C1orf167: variants seen among roughly 807,000 people sequenced by gnomAD.
The protein encoded by C1orf167 is chromosome 1 open reading frame 167, also known as uncharacterized protein C1orf167.
A neutral mutation model predicts 176.5 loss-of-function variants in C1orf167; 153 were observed. The observed-to-expected ratio is 0.87, with a 90% CI of 0.76 to 0.99. The LOEUF is 0.99. Among genes scored for constraint, C1orf167 ranks in the 50% least tolerant of loss-of-function variants. The pLI is 0.00. For synonymous variants in C1orf167, 594 were observed against 752.7 expected, an observed-to-expected ratio of 0.79 and a Z score of 3.45; for missense variants, 1,490 against 1,817.7, an observed-to-expected ratio of 0.82 and a Z score of 3.28.
chr1:11,782,069 C>T (rs989952737), intron 13 of C1orf167, 120 bp from the exon 14 acceptor site: 4 of 892,200 alleles, frequency 4.5e-6, no homozygotes, highest in African/African-American at 3.7e-5. Flanking sequence ...TTAACCCAGA[C>T]AGTCAGGGTG....
intron 8 of C1orf167, among the ~76,000 whole-genome samples, chr1:11,773,055 G>A (rs1369704371): frequency 1.3e-5 from 2 of 151,826 alleles, no homozygotes; most frequent in Non-Finnish European, 2.9e-5. Flanking sequence ...ATGCCACCAC[G>A]CCCGGCTAAT....
intron 8 of C1orf167, among the ~76,000 whole-genome samples, chr1:11,774,337 A>G (rs1053380750): frequency 5.3e-5 from 8 of 152,158 alleles, no homozygotes. Context: ...GTGAGCCACC[A>G]CGCCCGGCCT....
Position 11,788,164 on chromosome 1 carries a change from G to C in C1orf167, c.3864G>C (p.Arg1288Ser). The C allele has an allele frequency of 7.8e-7, 1 of 1,289,944 alleles. No homozygotes were observed. Among genetic ancestry groups the C allele is most frequent in the Non-Finnish European group, 1.0e-6 (1 of 977,442 alleles). The allele number at this position is 1,289,944 out of a possible 1,614,324, so 79.9% of individuals were successfully genotyped here. Residue 1288 changes from arginine (R) to serine (S), a missense_variant, in exon 19 of 21, where the codon AGG becomes AGC. By Grantham distance (110) the Arg-to-Ser change is moderately radical. Transcript: ENST00000688073. ...HKRRLRARSC[R>S]ILEKQAQAHG... Reference sequence around the variant, plus strand: ...CTCTGGCCAGTGCTCGTTCCTGCAGGATCCTGGAAAAGCAGGCCCAGGCCC... The same window carrying C: ...CTCTGGCCAGTGCTCGTTCCTGCAGCATCCTGGAAAAGCAGGCCCAGGCCC...
chr1:11,778,530 G>A (rs571302608), intron 10 of C1orf167, 130 bp from the exon 11 acceptor site: 11 of 779,428 alleles, frequency 1.4e-5, no homozygotes, highest in African/African-American at 1.1e-4. Context: ...CTAGCCCAGC[G>A]TCTGGCCTGT....
chr1:11,788,510 A>AT (rs1339191803), intron 19 of C1orf167, 132 bp downstream of exon 19: 5 of 1,106,052 alleles, frequency 4.5e-6, no homozygotes, highest in Non-Finnish European at 6.0e-6. Context: ...AGGAATCTGC[A>AT]TTCTTAATAC....
Position 11,764,388 on chromosome 1 carries a change from T to G in C1orf167, c.-13T>G, listed in dbSNP as rs914165707. The stretch of plus-strand genomic sequence containing the variant: ...CTGTGGAGTGGACCAAGGATACTCC[T>G]GTCCCTGAGCCCATGGAGCTAAGGT... On this transcript the variant is annotated 5_prime_UTR_variant, in exon 2 of 21. Transcript: ENST00000688073. 22 of 1,289,086 alleles carry G rather than the reference T, an allele frequency of 1.7e-5. No individual in the cohort carries two copies. Among genetic ancestry groups the G allele is most frequent in the Non-Finnish European group, 2.0e-5 (20 of 988,670 alleles). The allele number at this position is 1,289,086 out of a possible 1,614,324, so 79.9% of individuals were successfully genotyped here.
chr1:11,768,989 T>C lies in C1orf167; in HGVS notation c.1559T>C (p.Leu520Ser). The C allele has an allele frequency of 4.1e-6, 4 of 985,908 alleles. No homozygotes were observed. The highest frequency in any genetic ancestry group is 4.8e-6 in the Non-Finnish European group (4 of 829,986). The allele number at this position is 985,908 out of a possible 1,614,324, so 61.1% of individuals were successfully genotyped here. The change falls in exon 6 of 21, where the codon TTA becomes TCA. Residue 520 changes from leucine to serine, a missense_variant. By Grantham distance (145) the Leu-to-Ser change is moderately radical. Transcript: ENST00000688073. This position sits in a 1 kb window ranked among gnomAD's most constrained non-coding sequence, Gnocchi z 4.5. ...TTGAGCCAGTGGAGAAACCTGGCTTTACAGCAGAAACAAGTACAGCCCCAC... is the reference window on the plus strand; with the variant it reads ...TTGAGCCAGTGGAGAAACCTGGCTTCACAGCAGAAACAAGTACAGCCCCAC... The part of the protein sequence containing the change: ...RSFREWRNLA[L>S]QQKQVQPHMQ...
chr1:11,788,143 G>A lies in C1orf167; in HGVS notation c.3849-6G>A, dbSNP rs1643948831. The A allele has an allele frequency of 7.8e-7, 1 of 1,284,356 alleles. No individual in the cohort carries two copies. Among genetic ancestry groups the A allele is most frequent in the Non-Finnish European group, 1.0e-6 (1 of 973,634 alleles). 79.6% of individuals were successfully genotyped at this position (1,284,356 alleles called of 1,614,324 possible). On this transcript the variant is annotated splice_region_variant and splice_polypyrimidine_tract_variant and intron_variant, in intron 18 of 20. Coordinates refer to ENST00000688073, the MANE Select transcript of C1orf167 (RefSeq NM_001010881.2). ...CCATGGCTACAGCTGGGCCCTCTCT[G>A]GCCAGTGCTCGTTCCTGCAGGATCC...
Position 11,779,805 on chromosome 1 carries a change from C to A in C1orf167, c.2655C>A (p.Ile885=). ...GGGTGGACCCTCCCTTTCCCAGCAT[C>A]TTCCTCAGCTGGAGCCGCTGGGCAA... The part of the protein sequence containing the change: ...RWYQHTRQRR[I]FLSWSRWATA... Residue 885 remains isoleucine (I), a synonymous_variant, in exon 13 of 21, where the codon ATC becomes ATA. Transcript: ENST00000688073. The A allele has an allele frequency of 7.7e-7, 1 of 1,301,062 alleles. No homozygotes were observed. The highest frequency in any genetic ancestry group is 1.2e-5 in the South Asian group (1 of 80,868). 80.6% of individuals were successfully genotyped at this position (1,301,062 alleles called of 1,614,324 possible).
rs781559834 is a variant in C1orf167, at chr1:11,789,312, A to T, written c.4216A>T (p.Arg1406Trp). 1 of 1,303,870 alleles carries T rather than the reference A, an allele frequency of 7.7e-7. No individual in the cohort carries two copies. The highest frequency in any genetic ancestry group is 1.0e-6 in the Non-Finnish European group (1 of 988,912). 80.8% of individuals were successfully genotyped at this position (1,303,870 alleles called of 1,614,324 possible). ...CCAACGCCTGGCAGCCAGGAGCCCA[A>T]GGAGAGGAGCTGCCAGTAGCCCAAG... is the stretch of plus-strand genomic sequence containing the variant. ...WHQRLAARSP[R>W]RGAASSPRPW... Residue 1406 changes from arginine (R) to tryptophan (W), a missense_variant, in exon 21 of 21, where the codon AGG becomes TGG. By Grantham distance (101) the Arg-to-Trp change is moderately radical. Coordinates refer to ENST00000688073, the MANE Select transcript of C1orf167 (RefSeq NM_001010881.2).
chr1:11,779,547 A>G (rs868620113), intron 12 of C1orf167: 26 of 291,784 alleles, frequency 8.9e-5, no homozygotes, highest in Non-Finnish European at 1.3e-4. Flanking sequence ...AGCAATGTTT[A>G]TGGCTAGTGG....
rs188084102 is a variant in C1orf167, at chr1:11,771,595, G to C, written c.1769G>C (p.Arg590Thr). Residue 590 changes from arginine (R) to threonine (T), a missense_variant, in exon 7 of 21, where the codon AGA becomes ACA. Coordinates refer to ENST00000688073, the MANE Select transcript of C1orf167 (RefSeq NM_001010881.2). ...CATCCTAGGCAGAGAACAGACAGCA[G>C]ACACGAGAGAGTCCAGATCCTGCAG... ...LSHPRQRTDS[R>T]HERVQILQAL... 1.6e-4 allele frequency: 206 copies of C among 1,289,846 alleles called. No individual in the cohort carries two copies. The African/African-American group carries it at 2.9e-3, about 18-fold the overall frequency. 79.9% of individuals were successfully genotyped at this position (1,289,846 alleles called of 1,614,324 possible).
At position 11,766,343 on chromosome 1, in the gene C1orf167, C is replaced by G; in HGVS notation, c.557C>G (p.Ala186Gly). The change falls in exon 3 of 21, where the codon GCC (alanine) becomes GGC (glycine). Residue 186 changes from alanine (A) to glycine (G), a missense_variant. By Grantham distance (60) the Ala-to-Gly change is moderately conservative. Coordinates refer to ENST00000688073, the MANE Select transcript of C1orf167 (RefSeq NM_001010881.2). This position sits in a 1 kb window ranked among gnomAD's most constrained non-coding sequence, Gnocchi z 4.5. ...AGCGGGGACTTCAGGCCCACTGAAG[C>G]CTTTGCCCCTCTCGATGGGCATACA... ...TPSGDFRPTE[A>G]FAPLDGHTQP... 1 of 1,278,526 alleles carries G rather than the reference C, an allele frequency of 7.8e-7. No individual in the cohort carries two copies. The highest frequency in any genetic ancestry group is 1.0e-6 in the Non-Finnish European group (1 of 984,026). The allele number at this position is 1,278,526 out of a possible 1,614,324, so 79.2% of individuals were successfully genotyped here. A position where few individuals can be genotyped will look rare whatever the true frequency, so the allele number is the denominator to read the frequency against.
rs576932545 is a variant in C1orf167 at position 11,779,104 on chromosome 1, C to T, written c.2651+24C>T. On this transcript the variant is annotated intron_variant, in intron 12 of 20. Coordinates refer to ENST00000688073, the MANE Select transcript of C1orf167 (RefSeq NM_001010881.2). ...CGGTAGGGATCCCTCCCCATCCGCC[C>T]GCCACTCTATGGACTTACTGTTTCC... 20 of 1,226,570 alleles carry T rather than the reference C, an allele frequency of 1.6e-5. No individual in the cohort carries two copies. The East Asian group carries it at 2.9e-4, about 18-fold the overall frequency. 76.0% of individuals were successfully genotyped at this position (1,226,570 alleles called of 1,614,324 possible). A position where few individuals can be genotyped will look rare whatever the true frequency, so the allele number is the denominator to read the frequency against.
chr1:11,780,113 G>A, intron 13 of C1orf167, 103 bp downstream of exon 13: 1 of 900,582 alleles, frequency 1.1e-6, no homozygotes, highest in Non-Finnish European at 1.5e-6. Flanking sequence ...GTAACCGCAT[G>A]GGAGAACTTG....
intron 8 of C1orf167, among the ~76,000 whole-genome samples, chr1:11,772,559 G>C (rs915280668): frequency 6.6e-6 from 1 of 152,128 alleles, no homozygotes; most frequent in African/African-American, 2.4e-5. Context: ...GAGCCAGCAT[G>C]CCTGGCCCCC....
chr1:11,788,952 G>A, intron 20 of C1orf167: 2 of 400,122 alleles, frequency 5.0e-6, no homozygotes, highest in Non-Finnish European at 4.6e-6. Context: ...CCCAGCTCAG[G>A]CCAGGCCCAC....
chr1:11,787,913 G>C lies in C1orf167; in HGVS notation c.3714G>C (p.Trp1238Cys). ...CCCTCTGCCCTGCCTTCCAGCTCTG[G>C]CCACAGTGGCCTGGACAGAGTAGCT... Reference protein sequence around the residue: ...EHSLCPAFQLWPQWPGQSSWV... With the variant: ...EHSLCPAFQLCPQWPGQSSWV... The change falls in exon 18 of 21, where the codon TGG becomes TGC. Residue 1238 changes from tryptophan (W) to cysteine (C), a missense_variant. Transcript: ENST00000688073. 1 of 1,273,536 alleles carries C rather than the reference G, an allele frequency of 7.9e-7. No individual in the cohort carries two copies. Among genetic ancestry groups the C allele is most frequent in the Non-Finnish European group, 1.0e-6 (1 of 974,938 alleles). 78.9% of individuals were successfully genotyped at this position (1,273,536 alleles called of 1,614,324 possible).
chr1:11,776,819 G>C (rs974161159), intron 10 of C1orf167, among the ~76,000 whole-genome samples, 181 bp downstream of exon 10: 5 of 152,208 alleles, frequency 3.3e-5, no homozygotes, highest in African/African-American at 1.2e-4. Context: ...CCAATGTCAG[G>C]CCCTGGGAGG....
Sources: gnomAD v4.1 joint callset for allele counts (sites outside exome capture counted in the v4.1 genomes callset) on GRCh38, gnomAD v4.1.1 for gene constraint, Gnocchi (gnomAD v3.1) non-coding constraint, MANE v1.5 for transcripts, NCBI Gene and HGNC (gene_info 2026-07-23, HGNC 2026-07-21) for gene names.